SUCLG2: variants seen among roughly 807,000 people sequenced by gnomAD.
SUCLG2 encodes succinate-CoA ligase GDP-forming subunit beta, also known as succinate--CoA ligase [GDP-forming] subunit beta, mitochondrial.
SUCLG2 carries 42 observed loss-of-function variants against 47.9 expected under a neutral mutation model. That is an observed-to-expected ratio of 0.88 (90% confidence interval 0.69 to 1.14). SUCLG2 has a LOEUF of 1.14. Ranked by LOEUF, SUCLG2 falls within the 50% of genes most tolerant of loss-of-function variation. SUCLG2 has a pLI of 0.00. For missense variants in SUCLG2, 571 were observed against 525.9 expected, an observed-to-expected ratio of 1.09 and a Z score of -0.84; for synonymous variants, 195 against 197.3, an observed-to-expected ratio of 0.99 and a Z score of 0.10.
At chr3:67,620,076 G>C (rs114800993) in intron 1 of SUCLG2, among the ~76,000 whole-genome samples, 2,499 of 152,266 alleles carry the variant, frequency 0.016, 64 homozygotes, top group African/African-American at 0.056. Flanking sequence ...GAAACTGGCA[G>C]ACCTATACTT....
chr3:67,388,488 G>C (rs960082198), intron 10 of SUCLG2, among the ~76,000 whole-genome samples: 2 of 152,168 alleles, frequency 1.3e-5, no homozygotes, highest in African/African-American at 2.4e-5. Context: ...GAATGGAGCA[G>C]ACCCATAGCA....
chr3:67,643,165 T>C (rs1011929280), intron 1 of SUCLG2, among the ~76,000 whole-genome samples: 1 of 152,222 alleles, frequency 6.6e-6, no homozygotes, highest in Admixed American at 6.5e-5. Flanking sequence ...TACTCAGTGT[T>C]TGTGTTTGTT....
At chr3:67,510,078 A>G (rs1705746560) in intron 6 of SUCLG2, among the ~76,000 whole-genome samples, 1 of 152,188 alleles carries the variant, frequency 6.6e-6, no homozygotes, top group African/African-American at 2.4e-5. Flanking sequence ...TAGCTTCTGT[A>G]TACAAGGTCC....
intron 1 of SUCLG2, among the ~76,000 whole-genome samples, chr3:67,615,651 C>G (rs1450033426): frequency 2.6e-5 from 4 of 151,298 alleles, no homozygotes; most frequent in Admixed American, 2.0e-4. Context: ...CACACACACA[C>G]GAGATCTGAT....
At chr3:67,442,557 G>T (rs1015492311) in intron 9 of SUCLG2, among the ~76,000 whole-genome samples, 2 of 152,204 alleles carry the variant, frequency 1.3e-5, no homozygotes, top group African/African-American at 4.8e-5. Flanking sequence ...GACAGTGGCT[G>T]TCCTAGAGCT....
intron 9 of SUCLG2, chr3:67,408,776 A>G (rs1702871590): frequency 6.6e-6 from 9 of 1,354,394 alleles, no homozygotes; most frequent in South Asian, 2.1e-5. Flanking sequence ...ATTATGTATT[A>G]TAACTTTCCC....
At chr3:67,550,902 G>T (rs1261639841) in intron 2 of SUCLG2, among the ~76,000 whole-genome samples, 1 of 152,108 alleles carries the variant, frequency 6.6e-6, no homozygotes, top group Non-Finnish European at 1.5e-5. Flanking sequence ...TATTAAACGG[G>T]GGGTGGGGGC....
intron 1 of SUCLG2, among the ~76,000 whole-genome samples, chr3:67,624,624 A>G (rs958505586): frequency 1.3e-5 from 2 of 152,202 alleles, no homozygotes; most frequent in African/African-American, 4.8e-5. Context: ...TTTTCCATCT[A>G]TGTTAGTCAT....
intron 10 of SUCLG2, among the ~76,000 whole-genome samples, chr3:67,395,051 C>G (rs1575667336): frequency 2.0e-5 from 3 of 152,074 alleles, no homozygotes. Context: ...ACAACCGGTA[C>G]CAGCCGCGGC....
chr3:67,438,480 TAGAC>T (rs759308596), intron 9 of SUCLG2, among the ~76,000 whole-genome samples: 8 of 150,872 alleles, frequency 5.3e-5, no homozygotes, highest in South Asian at 4.2e-4. Context: ...ATTAACAAAA[TAGAC>T]AGACCGCTGG....
At chr3:67,378,500 G>A (rs1702083941) in intron 10 of SUCLG2, among the ~76,000 whole-genome samples, 1 of 152,178 alleles carries the variant, frequency 6.6e-6, no homozygotes, top group Non-Finnish European at 1.5e-5. Flanking sequence ...TAGCCAAGGA[G>A]GAAGTGCATC....
chr3:67,400,824 C>G lies in SUCLG2; in HGVS notation c.1090G>C (p.Gly364Arg). The change falls in exon 10 of 11, where the codon GGT (glycine) becomes CGT (arginine). Residue 364 changes from glycine (G) to arginine (R), a missense_variant. Physicochemically the swap from Gly to Arg is moderately radical, Grantham distance 125 (BLOSUM62 -2). Coordinates refer to ENST00000307227, the MANE Select transcript of SUCLG2 (RefSeq NM_003848.4). Reference sequence around the variant, plus strand: ...ATGATGGCACAGTTGACGATACCACCAAATATATTGACAAGGATGGCTTCA... The same window carrying G: ...ATGATGGCACAGTTGACGATACCACGAAATATATTGACAAGGATGGCTTCA... ...KVEAILVNIFGGIVNCAIIAN... is the reference protein window; with the variant it reads ...KVEAILVNIFRGIVNCAIIAN... 2.5e-6 allele frequency: 4 copies of G among 1,612,696 alleles called. No homozygotes were observed. Among genetic ancestry groups the G allele is most frequent in the Non-Finnish European group, 3.4e-6 (4 of 1,179,804 alleles).
intron 2 of SUCLG2, among the ~76,000 whole-genome samples, chr3:67,583,051 C>G (rs930359538): frequency 1.3e-5 from 2 of 152,126 alleles, no homozygotes; most frequent in African/African-American, 4.8e-5. Flanking sequence ...AAATACCTTA[C>G]ACTGTCTTTC....
chr3:67,365,816 G>A (rs1701867423), intron 10 of SUCLG2, among the ~76,000 whole-genome samples: 1 of 152,026 alleles, frequency 6.6e-6, no homozygotes, highest in South Asian at 2.1e-4. Context: ...TAAATGGAGC[G>A]GACTAGCATA....
chr3:67,453,579 T>C (rs1704108174), intron 9 of SUCLG2, among the ~76,000 whole-genome samples: 1 of 152,298 alleles, frequency 6.6e-6, no homozygotes, highest in South Asian at 2.1e-4. Context: ...AACTTACGAA[T>C]GGTGGGGAGA....
At chr3:67,406,949 A>T (rs1391179452) in intron 9 of SUCLG2, among the ~76,000 whole-genome samples, 1 of 152,172 alleles carries the variant, frequency 6.6e-6, no homozygotes, top group African/African-American at 2.4e-5. Flanking sequence ...CTGTTTCACC[A>T]CAGCACATGC....
intron 9 of SUCLG2, among the ~76,000 whole-genome samples, chr3:67,448,403 A>T (rs888760497): frequency 1.3e-5 from 2 of 152,158 alleles, no homozygotes; most frequent in African/African-American, 4.8e-5. Context: ...GAGAAGAGTC[A>T]CACTTAAATT....
At chr3:67,548,966 T>C (rs1310482214) in intron 2 of SUCLG2, among the ~76,000 whole-genome samples, 1 of 152,182 alleles carries the variant, frequency 6.6e-6, no homozygotes, top group Admixed American at 6.5e-5. Flanking sequence ...TCACAGTCAA[T>C]TATATGCAAA....
At chr3:67,438,932 A>C (rs1362942118) in intron 9 of SUCLG2, among the ~76,000 whole-genome samples, 1 of 152,112 alleles carries the variant, frequency 6.6e-6, no homozygotes. Flanking sequence ...GAGACACAAT[A>C]AAAAAAGGAA....
Sources: gnomAD v4.1 joint callset for allele counts (sites outside exome capture counted in the v4.1 genomes callset) on GRCh38, gnomAD v4.1.1 for gene constraint, MANE v1.5 for transcripts, NCBI Gene and HGNC (gene_info 2026-07-23, HGNC 2026-07-21) for gene names.